Variants in STK31 observed in about 807,000 individuals in gnomAD.
STK31 encodes the protein serine/threonine kinase 31.
A neutral mutation model predicts 129.7 loss-of-function variants in STK31; 89 were observed. The observed-to-expected ratio is 0.69, with a 90% CI of 0.58 to 0.82. STK31 has a LOEUF of 0.82. STK31 is among the 40% of genes least tolerant of loss of function. The probability of loss-of-function intolerance (pLI) is 0.00; values close to 1 mark genes in which losing one functional copy is unlikely to be tolerated. For synonymous variants in STK31, 448 were observed against 395.3 expected, an observed-to-expected ratio of 1.13 and a Z score of -1.58; for missense variants, 1,187 against 1,176.4, an observed-to-expected ratio of 1.01 and a Z score of -0.13.
rs71552259 is a variant in STK31 at position 23,814,146 on chromosome 7, C to CTTTT, written c.2761-996_2761-995insTTTT. 5.1e-5 allele frequency among the ~76,000 whole-genome samples: 5 copies of CTTTT among 98,916 alleles called. 2 individuals are homozygous for CTTTT. Among genetic ancestry groups the CTTTT allele is most frequent in the Non-Finnish European group, 9.4e-5 (5 of 53,226 alleles). 64.9% of individuals were successfully genotyped at this position (98,916 alleles called of 152,430 possible). On this transcript the variant is annotated intron_variant, in intron 22 of 23. Coordinates refer to ENST00000355870, the MANE Select transcript of STK31 (RefSeq NM_031414.5). ...GTTGGGAAACATCAGATCTGGCTCA[C>CTTTT]TTATTTTTTTTTTTTTTTCAGTTGG...
rs1790159968 is a variant in STK31 at position 23,771,097 on chromosome 7, A to G, written c.1806A>G (p.Val602=). The G allele has an allele frequency of 1.2e-6, 2 of 1,612,462 alleles. No homozygotes were observed. The highest frequency in any genetic ancestry group is 1.7e-6 in the Non-Finnish European group (2 of 1,179,258). The change falls in exon 14 of 24, where the codon GTA becomes GTG. Residue 602 remains valine (V), a synonymous_variant. Transcript: ENST00000355870. ...IHSEERLIAT[V]QAKYKDSIEF... ...CAGAGGAAAGGCTCATTGCCACAGT[A>G]CAAGCTAAGTACAAGGACAGTATTG...
intron 21 of STK31, among the ~76,000 whole-genome samples, chr7:23,788,545 C>A (rs1047574972): frequency 6.6e-6 from 1 of 152,006 alleles, no homozygotes; most frequent in African/African-American, 2.4e-5. Flanking sequence ...AACCGGGGAA[C>A]CTTGGACTTT....
At chr7:23,723,102 C>G (rs1786824671) in intron 4 of STK31, among the ~76,000 whole-genome samples, 1 of 152,130 alleles carries the variant, frequency 6.6e-6, no homozygotes, top group African/African-American at 2.4e-5. Flanking sequence ...GTGAGATGAA[C>G]CCGGTACCTC....
chr7:23,828,977 G>A (rs1189818677), intron 23 of STK31, among the ~76,000 whole-genome samples: 2 of 151,760 alleles, frequency 1.3e-5, no homozygotes, highest in Non-Finnish European at 2.9e-5. Context: ...TCAGCGCGCT[G>A]CAACCTCCAC....
At chr7:23,750,892 A>G (rs1251659867) in intron 8 of STK31, among the ~76,000 whole-genome samples, 2 of 152,056 alleles carry the variant, frequency 1.3e-5, no homozygotes, top group Non-Finnish European at 2.9e-5. Flanking sequence ...ACATTTCAAG[A>G]CCTCTCTTCT....
intron 6 of STK31, among the ~76,000 whole-genome samples, chr7:23,732,109 G>C (rs1787467845): frequency 6.6e-6 from 1 of 152,058 alleles, no homozygotes; most frequent in South Asian, 2.1e-4. Context: ...AGGAGTTTGA[G>C]ACCAGCTTGG....
rs117194688 is a variant in STK31, at chr7:23,767,778, C to G, written c.1417-1217C>G. Among the ~76,000 whole-genome samples the G allele has an allele frequency of 5.4e-3, 818 of 152,172 alleles. 7 individuals carry two copies. The highest frequency in any genetic ancestry group is 6.3e-3 in the Non-Finnish European group (428 of 68,000). On this transcript the variant is annotated intron_variant, in intron 11 of 23. Transcript: ENST00000355870. ...AGCCTATGAAAAAAGTTTTCTTTTC[C>G]CACAGGTAATTCTGTGCTGTGACAC...
At chr7:23,720,157 A>G (rs913311623) in intron 4 of STK31, among the ~76,000 whole-genome samples, 3 of 152,190 alleles carry the variant, frequency 2.0e-5, no homozygotes, top group African/African-American at 7.2e-5. Context: ...AGCCATTATA[A>G]TTTTACCAAA....
intron 22 of STK31, 94 bp from the exon 23 acceptor site, chr7:23,815,050 C>G (rs541913961): frequency 2.4e-6 from 2 of 843,852 alleles, no homozygotes; most frequent in East Asian, 5.6e-5. Context: ...AAGCTCTTTT[C>G]TAGTCACCAG....
At chr7:23,820,160 T>C (rs1404547010) in intron 23 of STK31, among the ~76,000 whole-genome samples, 1 of 152,222 alleles carries the variant, frequency 6.6e-6, no homozygotes, top group East Asian at 1.9e-4. Flanking sequence ...TGTTTCAGTA[T>C]TGGAGGCATT....
chr7:23,763,068 G>C, intron 11 of STK31, 145 bp downstream of exon 11: 1 of 694,990 alleles, frequency 1.4e-6, no homozygotes, highest in Non-Finnish European at 2.2e-6. Context: ...CTTTTTAATG[G>C]GATTAAAAGT....
chr7:23,773,734 A>T (rs200409811), intron 15 of STK31, among the ~76,000 whole-genome samples: 4 of 130,110 alleles, frequency 3.1e-5, no homozygotes, highest in South Asian at 2.3e-4. Context: ...TGTGTGTGTG[A>T]GTGTGTGTGT....
At chr7:23,730,896 T>TTTTG (rs70956915) in intron 6 of STK31, among the ~76,000 whole-genome samples, 1 of 81,526 alleles carries the variant, frequency 1.2e-5, no homozygotes, top group African/African-American at 3.9e-5. Flanking sequence ...TTTTTTTTTT[T>TTTTG]GGTTGGGGGT....
Position 23,787,830 on chromosome 7 carries a change from ATC to A in STK31, c.2488-148_2488-147del, listed in dbSNP as rs769372386. The A allele has an allele frequency of 5.7e-4, 355 of 626,864 alleles. 1 individual carries two copies. Among genetic ancestry groups the A allele is most frequent in the Admixed American group, 1.1e-3 (30 of 26,088 alleles). The allele number at this position is 626,864 out of a possible 1,614,324, so 38.8% of individuals were successfully genotyped here. A position where few individuals can be genotyped will look rare whatever the true frequency, so the allele number is the denominator to read the frequency against. ...ATCACCATTACAAAATCAAGCCTTCATCTGGTCTTTCTCTATGCTGTATTCTT... is the reference window on the plus strand; with the variant it reads ...ATCACCATTACAAAATCAAGCCTTCATGGTCTTTCTCTATGCTGTATTCTT... On this transcript the variant is annotated intron_variant, in intron 20 of 23. Transcript: ENST00000355870.
chr7:23,718,886 G>GT (rs1353009484), intron 4 of STK31, among the ~76,000 whole-genome samples: 4 of 151,988 alleles, frequency 2.6e-5, no homozygotes, highest in Non-Finnish European at 4.4e-5. Flanking sequence ...AAATTGTAGG[G>GT]TAGACATGTT....
intron 8 of STK31, among the ~76,000 whole-genome samples, chr7:23,751,665 A>C (rs1177380890): frequency 6.6e-6 from 1 of 152,184 alleles, no homozygotes; most frequent in Non-Finnish European, 1.5e-5. Flanking sequence ...ACTGAAATCT[A>C]AATATTATTG....
chr7:23,791,512 G>A (rs1223141824), intron 22 of STK31, among the ~76,000 whole-genome samples: 3 of 152,050 alleles, frequency 2.0e-5, no homozygotes, highest in Admixed American at 2.0e-4. Context: ...TACCTGTTAG[G>A]TATTAGGCTG....
At position 23,710,258 on chromosome 7, in the gene STK31, A is replaced by G. The variant is rs1010984996; in HGVS notation, c.-28A>G. The G allele has an allele frequency of 3.4e-5, 54 of 1,604,060 alleles. No individual in the cohort carries two copies. Among genetic ancestry groups the G allele is most frequent in the Middle Eastern group, 3.7e-4 (2 of 5,364 alleles). On this transcript the variant is annotated 5_prime_UTR_variant, in exon 1 of 24. Transcript: ENST00000355870. ...CGCGGTAAGCCGCTGCACGTGTGCT[A>G]CGGCGGGCGGAGGGCCGAAAGTCCA...
Position 23,720,110 on chromosome 7 carries a change from G to A in STK31, c.249+2531G>A, listed in dbSNP as rs180890467. Among the ~76,000 whole-genome samples, 3 of 152,198 alleles carry A rather than the reference G, an allele frequency of 2.0e-5. No individual in the cohort carries two copies. In the East Asian group the frequency reaches 5.8e-4, roughly 29 times the overall value. On this transcript the variant is annotated intron_variant, in intron 4 of 23. Transcript: ENST00000355870. ...TAAGCTACAATAAAGCTCAAATGAT[G>A]GATGGTTTACGTGTGTGATATTAAG...
Sources: gnomAD v4.1 joint callset for allele counts (sites outside exome capture counted in the v4.1 genomes callset) on GRCh38, gnomAD v4.1.1 for gene constraint, MANE v1.5 for transcripts, NCBI Gene and HGNC (gene_info 2026-07-23, HGNC 2026-07-21) for gene names.